Variants in IMMP2L observed in about 807,000 individuals in gnomAD.
IMMP2L encodes inner mitochondrial membrane peptidase subunit 2, also known as mitochondrial inner membrane protease subunit 2.
A neutral mutation model predicts 19.3 loss-of-function variants in IMMP2L; 18 were observed. The ratio of observed to expected loss-of-function variants is 0.93; its 90% CI spans 0.64 to 1.38. The LOEUF (loss-of-function observed/expected upper bound fraction) is 1.38, where lower values mean the gene tolerates loss of function less well. Among genes scored for constraint, IMMP2L ranks in the 40% most tolerant of loss-of-function variants. The pLI is 0.00. For synonymous variants in IMMP2L, 76 were observed against 73.0 expected (o/e 1.04, Z -0.21); for missense variants, 233 against 218.2 (o/e 1.07, Z -0.43).
intron 3 of IMMP2L, among the ~76,000 whole-genome samples, chr7:111,167,011 A>AG (rs755394445): frequency 5.0e-4 from 76 of 151,976 alleles, no homozygotes; most frequent in Non-Finnish European, 6.9e-4. Flanking sequence ...CATCATTCGG[A>AG]GGGGGGGCAG....
chr7:110,959,049 G>A (rs117675815), intron 4 of IMMP2L, among the ~76,000 whole-genome samples: 2,478 of 152,038 alleles, frequency 0.016, 28 homozygotes, highest in Non-Finnish European at 0.024. Context: ...ACCTAAAGGA[G>A]TGTAACTACC....
intron 4 of IMMP2L, among the ~76,000 whole-genome samples, chr7:110,956,694 A>C (rs1818390793): frequency 6.6e-6 from 1 of 151,870 alleles, no homozygotes; most frequent in Non-Finnish European, 1.5e-5. Context: ...CCATTCCCTT[A>C]CTTCATTGAG....
At chr7:111,305,480 A>G (rs1014210332) in intron 3 of IMMP2L, among the ~76,000 whole-genome samples, 6 of 151,800 alleles carry the variant, frequency 4.0e-5, no homozygotes, top group Admixed American at 3.3e-4. Flanking sequence ...TGGCAAATTA[A>G]TAAATTAGCA....
chr7:111,357,657 A>G (rs1263190234), intron 3 of IMMP2L, among the ~76,000 whole-genome samples: 1 of 152,122 alleles, frequency 6.6e-6, no homozygotes, highest in Non-Finnish European at 1.5e-5. Context: ...TCTAGTTATT[A>G]TGTCTAAATA....
chr7:111,178,959 C>T (rs1247942780), intron 3 of IMMP2L, among the ~76,000 whole-genome samples: 1 of 151,864 alleles, frequency 6.6e-6, no homozygotes, highest in African/African-American at 2.4e-5. Flanking sequence ...TGGTGACTCC[C>T]TTCCAGGTTT....
At chr7:111,381,508 G>A (rs2131226218) in intron 3 of IMMP2L, among the ~76,000 whole-genome samples, 1 of 152,046 alleles carries the variant, frequency 6.6e-6, no homozygotes, top group African/African-American at 2.4e-5. Context: ...ACTAGAATAG[G>A]TAAAACTGTA....
intron 5 of IMMP2L, among the ~76,000 whole-genome samples, chr7:110,855,819 CCTTAAA>C (rs1397245203): frequency 6.6e-6 from 1 of 151,984 alleles, no homozygotes. Context: ...ATATGCCACT[CCTTAAA>C]CTTAAACTTA....
At position 111,190,322 on chromosome 7, in the gene IMMP2L, T is replaced by A. The variant is rs182244115; in HGVS notation, c.240-226757A>T. Reference sequence around the variant, plus strand: ...AAAACAAGGTTTTCTCTGATTCTACTAGTCCTTCAGGCTTTAGTTAAAAAA... The same window carrying A: ...AAAACAAGGTTTTCTCTGATTCTACAAGTCCTTCAGGCTTTAGTTAAAAAA... On this transcript the variant is annotated intron_variant, in intron 3 of 5. Coordinates refer to ENST00000405709, the MANE Select transcript of IMMP2L (RefSeq NM_032549.4). 1.6e-3 allele frequency among the ~76,000 whole-genome samples: 246 copies of A among 152,192 alleles called. 2 individuals carry two copies. The highest frequency in any genetic ancestry group is 1.2e-3 in the Non-Finnish European group (80 of 67,946).
intron 5 of IMMP2L, among the ~76,000 whole-genome samples, chr7:110,879,357 C>T (rs996581557): frequency 1.5e-4 from 23 of 150,516 alleles, no homozygotes; most frequent in African/African-American, 5.6e-4. Context: ...CACTGTACTC[C>T]AGCCTGGGTG....
intron 3 of IMMP2L, among the ~76,000 whole-genome samples, chr7:110,987,880 A>G (rs1197946686): frequency 6.6e-6 from 1 of 152,118 alleles, no homozygotes; most frequent in Non-Finnish European, 1.5e-5. Context: ...AAGGTCTTGA[A>G]TCTCCCCCAA....
chr7:110,699,815 T>C (rs1436918036), intron 5 of IMMP2L, among the ~76,000 whole-genome samples: 2 of 151,798 alleles, frequency 1.3e-5, no homozygotes, highest in East Asian at 3.9e-4. Flanking sequence ...GATTATATTG[T>C]TACATTACGT....
At chr7:111,318,617 T>C (rs112410769) in intron 3 of IMMP2L, among the ~76,000 whole-genome samples, 2,527 of 152,138 alleles carry the variant, frequency 0.017, 31 homozygotes, top group South Asian at 0.048. Context: ...GATTTTCTAG[T>C]TCTGAGGTGC....
At chr7:111,488,980 T>G (rs1221477400) in intron 2 of IMMP2L, among the ~76,000 whole-genome samples, 1 of 151,942 alleles carries the variant, frequency 6.6e-6, no homozygotes, top group Non-Finnish European at 1.5e-5. Context: ...TTTCATATGC[T>G]TATTGGCCAT....
At chr7:111,091,098 A>T (rs553882379) in intron 3 of IMMP2L, 1 of 152,256 alleles carries the variant, frequency 6.6e-6, no homozygotes, top group South Asian at 2.1e-4. Context: ...GTGTTCAGTT[A>T]TTAATGACCG....
chr7:111,335,713 T>C (rs1021599508), intron 3 of IMMP2L, among the ~76,000 whole-genome samples: 10 of 152,144 alleles, frequency 6.6e-5, no homozygotes, highest in Non-Finnish European at 1.5e-4. Flanking sequence ...TTGAGCTACA[T>C]AAACAACATG....
intron 3 of IMMP2L, among the ~76,000 whole-genome samples, chr7:111,316,645 G>A (rs775461253): frequency 1.3e-4 from 19 of 151,816 alleles, no homozygotes; most frequent in Non-Finnish European, 2.2e-4. Context: ...AAAAAGTAAA[G>A]GGAGAAAAGG....
intron 3 of IMMP2L, among the ~76,000 whole-genome samples, chr7:111,139,958 T>A (rs887722239): frequency 6.6e-6 from 1 of 152,148 alleles, no homozygotes; most frequent in African/African-American, 2.4e-5. Context: ...CTCCTAGCCT[T>A]CCATGGTCTC....
chr7:111,438,268 A>G (rs1222420480), intron 3 of IMMP2L, among the ~76,000 whole-genome samples: 3 of 151,864 alleles, frequency 2.0e-5, no homozygotes, highest in Non-Finnish European at 4.4e-5. Context: ...ACAGTCTCAA[A>G]GAATACTGTA....
intron 5 of IMMP2L, among the ~76,000 whole-genome samples, chr7:110,857,943 C>T (rs767363850): frequency 7.2e-5 from 11 of 152,154 alleles, no homozygotes; most frequent in Non-Finnish European, 1.2e-4. Flanking sequence ...GATATACATT[C>T]GCTTTTCTGA....
Sources: allele counts gnomAD v4.1 joint callset (sites outside exome capture counted in the v4.1 genomes callset), GRCh38; gene constraint gnomAD v4.1.1; transcripts MANE v1.5; gene names NCBI Gene and HGNC (gene_info 2026-07-23, HGNC 2026-07-21).